C1orf159: variants seen among roughly 807,000 people sequenced by gnomAD.
C1orf159 encodes chromosome 1 open reading frame 159.
Under a neutral mutation model 25.6 loss-of-function variants are expected in C1orf159, and 19 were observed. That is an observed-to-expected ratio of 0.74 (90% CI 0.52 to 1.09). The LOEUF (loss-of-function observed/expected upper bound fraction) is 1.09, where lower values mean the gene tolerates loss of function less well. Among genes scored for constraint, C1orf159 ranks in the 50% least tolerant of loss-of-function variants. The pLI is 0.00. For missense variants in C1orf159, 274 were observed against 290.6 expected, an observed-to-expected ratio of 0.94 and a Z score of 0.42; for synonymous variants, 139 against 124.7, an observed-to-expected ratio of 1.12 and a Z score of -0.77.
chr1:1,094,179 C>T (rs1031914078), intron 1 of C1orf159, among the ~76,000 whole-genome samples: 3 of 148,984 alleles, frequency 2.0e-5, no homozygotes, highest in Non-Finnish European at 4.5e-5. Flanking sequence ...CTCACTGCAG[C>T]CTTGACCTCC....
intron 3 of C1orf159, chr1:1,090,904 A>AT: frequency 6.5e-7 from 1 of 1,550,366 alleles, no homozygotes; most frequent in Non-Finnish European, 8.7e-7. Flanking sequence ...TTCCCTGACC[A>AT]CAGGCAGACT....
rs1232150643 is a variant in C1orf159, at chr1:1,110,740, G to A, written c.-136+5320C>T. Among the ~76,000 whole-genome samples, 2 of 152,144 alleles carry A rather than the reference G, an allele frequency of 1.3e-5. No homozygotes were observed. Among genetic ancestry groups the A allele is most frequent in the South Asian group, 2.1e-4 (1 of 4,820 alleles). On this transcript the variant is annotated intron_variant, in intron 1 of 9. Transcript: ENST00000421241. This position sits in a 1 kb window ranked among gnomAD's most constrained non-coding sequence, Gnocchi z 4.8. ...AAATAGGCCCAACTCTTCAGACAGC[G>A]GAAACCCACCCGGGCGCCCTCAGAG...
At chr1:1,112,345 C>A (rs1044480339) in intron 1 of C1orf159, among the ~76,000 whole-genome samples, 1 of 152,326 alleles carries the variant, frequency 6.6e-6, no homozygotes, top group South Asian at 2.1e-4. Context: ...AACGGAAGAA[C>A]GCCTCAGGTG....
intron 4 of C1orf159, among the ~76,000 whole-genome samples, chr1:1,088,725 A>C (rs1645876162): frequency 6.6e-6 from 1 of 152,066 alleles, no homozygotes; most frequent in South Asian, 2.1e-4. Context: ...GGTGCGGGCC[A>C]CGGGTGGACC....
In C1orf159 at chr1:1,087,272, G is replaced by C. The variant is rs542289819; in HGVS notation, c.245-68C>G. The C allele has an allele frequency of 4.1e-6, 6 of 1,453,584 alleles. No homozygotes were observed. In the African/African-American group the frequency reaches 8.4e-5, roughly 20 times the overall value. The allele number at this position is 1,453,584 out of a possible 1,614,324, so 90.0% of individuals were successfully genotyped here. On this transcript the variant is annotated intron_variant, in intron 5 of 9. Coordinates refer to ENST00000421241, the MANE Select transcript of C1orf159 (RefSeq NM_017891.5). The surrounding 1 kb of genome is among the most constrained non-coding windows in gnomAD (Gnocchi z 8.3). ...CCACGGGGACACCCACGTGCACCCTGAAGGGATCTCAGGACGGAAATATGA... is the reference window on the plus strand; with the variant it reads ...CCACGGGGACACCCACGTGCACCCTCAAGGGATCTCAGGACGGAAATATGA...
intron 3 of C1orf159, chr1:1,090,908 G>A: frequency 6.4e-7 from 1 of 1,550,406 alleles, no homozygotes; most frequent in Non-Finnish European, 8.7e-7. Flanking sequence ...CTGACCACAG[G>A]CAGACTGGAC....
chr1:1,109,748 T>A (rs1395503086), intron 1 of C1orf159, among the ~76,000 whole-genome samples: 1 of 152,186 alleles, frequency 6.6e-6, no homozygotes, highest in Non-Finnish European at 1.5e-5. Flanking sequence ...TAGATAAACA[T>A]GCATGTAACG....
At position 1,089,118 on chromosome 1, in the gene C1orf159, G is replaced by A. The variant is rs578081263; in HGVS notation, c.148+1235C>T. 3.0e-4 allele frequency among the ~76,000 whole-genome samples: 45 copies of A among 152,264 alleles called. No individual in the cohort carries two copies. Among genetic ancestry groups the A allele is most frequent in the Non-Finnish European group, 5.4e-4 (37 of 67,996 alleles). On this transcript the variant is annotated intron_variant, in intron 4 of 9. Transcript: ENST00000421241. This position sits in a 1 kb window ranked among gnomAD's most constrained non-coding sequence, Gnocchi z 7.5. ...CGGAGACGTGACCTGGCTTGGGGCC[G>A]CACGCAGGGGGAAGCGTATCCAACA...
rs888371058 is a variant in C1orf159, at chr1:1,089,220, G to A, written c.148+1133C>T. ...TGTGCATGGGGCCACCTCGGCCCTT[G>A]GACTTCACGACCCGCTGGCCTGGCC... On this transcript the variant is annotated intron_variant, in intron 4 of 9. Coordinates refer to ENST00000421241, the MANE Select transcript of C1orf159 (RefSeq NM_017891.5). The surrounding 1 kb of genome is among the most constrained non-coding windows in gnomAD (Gnocchi z 7.5). 5.3e-5 allele frequency among the ~76,000 whole-genome samples: 8 copies of A among 152,174 alleles called. No individual in the cohort carries two copies. The highest frequency in any genetic ancestry group is 1.2e-4 in the Non-Finnish European group (8 of 68,016).
intron 1 of C1orf159, among the ~76,000 whole-genome samples, chr1:1,113,195 CAAAA>C (rs545670130): frequency 7.4e-6 from 1 of 134,250 alleles, no homozygotes. Flanking sequence ...GACTCCATCT[CAAAA>C]AAAAAAAAAA....
chr1:1,090,497 G>T, intron 3 of C1orf159, 69 bp from the exon 4 acceptor site: 2 of 1,470,650 alleles, frequency 1.4e-6, no homozygotes, highest in South Asian at 1.2e-5. Context: ...GAGCAGCAGC[G>T]GCTGAGGGGT....
rs2100777255 is a variant in C1orf159, at chr1:1,110,099, G to C, written c.-136+5961C>G. ...GGGTGTGTGACTTAACCCCGGCCTG[G>C]CACGGCCTTAGGTCCTGATTATAAC... On this transcript the variant is annotated intron_variant, in intron 1 of 9. Transcript: ENST00000421241. This position sits in a 1 kb window ranked among gnomAD's most constrained non-coding sequence, Gnocchi z 4.8. Among the ~76,000 whole-genome samples, 1 of 152,354 alleles carries C rather than the reference G, an allele frequency of 6.6e-6. No homozygotes were observed. Among genetic ancestry groups the C allele is most frequent in the South Asian group, 2.1e-4 (1 of 4,830 alleles).
At position 1,082,115 on chromosome 1, in the gene C1orf159, G is replaced by A. The variant is rs1370594911; in HGVS notation, c.*778C>T. 1.3e-5 allele frequency: 2 copies of A among 152,554 alleles called. No individual in the cohort carries two copies. Among genetic ancestry groups the A allele is most frequent in the Non-Finnish European group, 2.9e-5 (2 of 68,154 alleles). 9.5% of individuals were successfully genotyped at this position (152,554 alleles called of 1,614,324 possible). A position where few individuals can be genotyped will look rare whatever the true frequency, so the allele number is the denominator to read the frequency against. On this transcript the variant is annotated 3_prime_UTR_variant, in exon 10 of 10. Coordinates refer to ENST00000421241, the MANE Select transcript of C1orf159 (RefSeq NM_017891.5). ...CAGGACTCAGCGCCAGGGCAGCCTT[G>A]GCAGGTGCAGTGAGGCAGTGACTTG...
intron 1 of C1orf159, among the ~76,000 whole-genome samples, chr1:1,111,640 G>C (rs76722543): frequency 0.015 from 2,253 of 152,282 alleles, 59 homozygotes; most frequent in African/African-American, 0.052. Context: ...GCAACCACCG[G>C]CTGGGGCAGT....
chr1:1,115,613 A>AC (rs1246420876), intron 1 of C1orf159, among the ~76,000 whole-genome samples: 1 of 19,134 alleles, frequency 5.2e-5, no homozygotes, highest in South Asian at 3.4e-3. Flanking sequence ...CTCCCCAGGG[A>AC]CCCCCCTCCC....
intron 1 of C1orf159, among the ~76,000 whole-genome samples, chr1:1,113,195 C>CA (rs545670130): frequency 0.028 from 3,781 of 134,102 alleles, 73 homozygotes; most frequent in African/African-American, 0.059. Flanking sequence ...GACTCCATCT[C>CA]AAAAAAAAAA....
chr1:1,102,987 C>T (rs1419684337), intron 1 of C1orf159, among the ~76,000 whole-genome samples: 1 of 151,774 alleles, frequency 6.6e-6, no homozygotes. Context: ...CACCACCAAG[C>T]CCTGCTAAAT....
intron 9 of C1orf159, chr1:1,084,020 C>G (rs751755843): frequency 6.2e-7 from 1 of 1,606,272 alleles, no homozygotes; most frequent in South Asian, 1.1e-5. Context: ...AGCTGGACTT[C>G]AAGGAGGAGC....
At chr1:1,084,318 G>A (rs1645793696) in intron 9 of C1orf159, 35 bp downstream of exon 9, 1 of 1,527,258 alleles carries the variant, frequency 6.5e-7, no homozygotes, top group African/African-American at 1.4e-5. Flanking sequence ...CCAGAGATGG[G>A]AAACCCCACA....
Sources: allele counts gnomAD v4.1 joint callset (sites outside exome capture counted in the v4.1 genomes callset), GRCh38; gene constraint gnomAD v4.1.1; non-coding constraint Gnocchi (gnomAD v3.1); transcripts MANE v1.5; gene names NCBI Gene and HGNC (gene_info 2026-07-23, HGNC 2026-07-21).